Variants in PCSK5 observed in about 807,000 individuals in gnomAD.
PCSK5 encodes prohormone convertase 5.
Under a neutral mutation model 233.2 loss-of-function variants are expected in PCSK5, and 129 were observed. The observed-to-expected ratio is 0.55, with a 90% confidence interval of 0.48 to 0.64. The LOEUF is 0.64. Among genes scored for constraint, PCSK5 ranks in the 30% least tolerant of loss-of-function variants. PCSK5 has a pLI of 0.00. For synonymous variants in PCSK5, 825 were observed against 879.2 expected (o/e 0.94, Z 1.09); for missense variants, 2,076 against 2,430.1 (o/e 0.85, Z 3.06).
chr9:76,047,309 G>C (rs1829454128), intron 5 of PCSK5, among the ~76,000 whole-genome samples: 2 of 152,134 alleles, frequency 1.3e-5, no homozygotes, highest in South Asian at 4.1e-4. Context: ...TGTTAGCCGG[G>C]ATAGTCTCGA....
chr9:76,238,855 A>T, intron 22 of PCSK5, 104 bp from the exon 23 acceptor site: 1 of 809,934 alleles, frequency 1.2e-6, no homozygotes, highest in Non-Finnish European at 2.0e-6. Context: ...AGGAAAAAAA[A>T]GCACTCAGTC....
chr9:76,269,369 G>C (rs1248671952), intron 24 of PCSK5, among the ~76,000 whole-genome samples: 2 of 152,156 alleles, frequency 1.3e-5, no homozygotes, highest in African/African-American at 4.8e-5. Context: ...ACCCAGGAAA[G>C]ATGATCACGA....
At chr9:76,013,115 A>G (rs778331382) in intron 3 of PCSK5, among the ~76,000 whole-genome samples, 29 of 152,322 alleles carry the variant, frequency 1.9e-4, no homozygotes, top group South Asian at 1.0e-3. Flanking sequence ...CCTTTGAGGT[A>G]TCCATCTTAG....
chr9:76,111,300 G>GA (rs1253241643), intron 9 of PCSK5, among the ~76,000 whole-genome samples: 1 of 152,092 alleles, frequency 6.6e-6, no homozygotes, highest in South Asian at 2.1e-4. Flanking sequence ...CAGTTCCTCT[G>GA]AAAATCTTTC....
intron 10 of PCSK5, 88 bp from the exon 11 acceptor site, chr9:76,156,957 T>A: frequency 1.2e-6 from 1 of 815,446 alleles, no homozygotes; most frequent in South Asian, 1.4e-5. Flanking sequence ...TAGGATCCCA[T>A]AGGGTGGTGT....
intron 33 of PCSK5, among the ~76,000 whole-genome samples, chr9:76,331,143 C>T (rs576464244): frequency 4.6e-5 from 7 of 152,252 alleles, no homozygotes; most frequent in Non-Finnish European, 1.0e-4. Context: ...CACACCACCA[C>T]ACCACCAGGG....
chr9:76,080,683 G>A (rs1237984907), intron 7 of PCSK5, among the ~76,000 whole-genome samples: 1 of 152,142 alleles, frequency 6.6e-6, no homozygotes, highest in East Asian at 1.9e-4. Context: ...AGGTTAATTA[G>A]CCTCTCTGAG....
intron 6 of PCSK5, among the ~76,000 whole-genome samples, chr9:76,069,043 G>A (rs1830387954): frequency 6.6e-6 from 1 of 152,154 alleles, no homozygotes; most frequent in Admixed American, 6.5e-5. Context: ...AAACTACCTT[G>A]AATATTGGTC....
chr9:76,296,668 G>T lies in PCSK5; in HGVS notation c.3326G>T (p.Gly1109Val), dbSNP rs942602105. ...WCEEGFFLLG[G>V]SCVRKCGPGF... ...TTCTCTCTGTGTTCTCACATAGGTG[G>T]CAGTTGTGTGAGGAAATGTGGTCCT... is the stretch of plus-strand genomic sequence containing the variant. Residue 1109 changes from glycine to valine, a missense_variant, in exon 27 of 38, where the codon GGC becomes GTC. Gly to Val is a moderately radical substitution (Grantham distance 109). Around this residue, in one of 6 missense-constraint regions of PCSK5, gnomAD observed 1,510 missense variants for 1,538.1 expected, o/e 0.98. Coordinates refer to ENST00000674117, the MANE Select transcript of PCSK5 (RefSeq NM_001372043.1). 26 of 1,602,682 alleles carry T rather than the reference G, an allele frequency of 1.6e-5. No individual in the cohort carries two copies. Among genetic ancestry groups the T allele is most frequent in the Non-Finnish European group, 2.1e-5 (25 of 1,170,744 alleles).
intron 1 of PCSK5, among the ~76,000 whole-genome samples, chr9:75,929,996 G>A (rs190445616): frequency 1.3e-5 from 2 of 152,120 alleles, no homozygotes; most frequent in East Asian, 3.9e-4. Flanking sequence ...CTGAGTAGCT[G>A]GGATTACAGG....
chr9:75,904,368 A>G (rs760866182), intron 1 of PCSK5, among the ~76,000 whole-genome samples: 17 of 152,340 alleles, frequency 1.1e-4, no homozygotes, highest in Non-Finnish European at 2.5e-4. Flanking sequence ...ACAGAATGGG[A>G]GTAAATATTT....
chr9:76,029,554 GA>G (rs1447237950), intron 5 of PCSK5, among the ~76,000 whole-genome samples: 1 of 152,142 alleles, frequency 6.6e-6, no homozygotes, highest in Non-Finnish European at 1.5e-5. Context: ...GGTGCAGCAA[GA>G]ATAATTATTT....
intron 2 of PCSK5, among the ~76,000 whole-genome samples, chr9:75,978,904 C>G (rs1554668560): frequency 9.1e-6 from 1 of 109,412 alleles, no homozygotes; most frequent in Non-Finnish European, 1.8e-5. Flanking sequence ...TGGAATTTTG[C>G]TCTTGTTGCC....
At chr9:76,080,233 C>G (rs944892327) in intron 7 of PCSK5, among the ~76,000 whole-genome samples, 2 of 152,164 alleles carry the variant, frequency 1.3e-5, no homozygotes, top group Non-Finnish European at 2.9e-5. Flanking sequence ...CACAGTGACC[C>G]TGTATACAAA....
chr9:75,932,144 T>C (rs1301457383), intron 1 of PCSK5, among the ~76,000 whole-genome samples: 1 of 152,242 alleles, frequency 6.6e-6, no homozygotes, highest in Non-Finnish European at 1.5e-5. Context: ...TGCCCCATTA[T>C]AATCTTCAGT....
rs1056760607 is a variant in PCSK5, at chr9:76,154,726, A to C, written c.1313-2319A>C. ...ACATAACATCTTTGGTAAAAATTTC[A>C]ATTTCCCCAGGGTAGGGGAAAAATA... On this transcript the variant is annotated intron_variant, in intron 10 of 37. Transcript: ENST00000674117. Among the ~76,000 whole-genome samples, 3 of 152,152 alleles carry C rather than the reference A, an allele frequency of 2.0e-5. No individual in the cohort carries two copies. In the East Asian group the frequency reaches 5.8e-4, roughly 29 times the overall value.
chr9:76,299,853 C>T (rs1352498172), intron 27 of PCSK5, among the ~76,000 whole-genome samples: 1 of 152,204 alleles, frequency 6.6e-6, no homozygotes, highest in African/African-American at 2.4e-5. Flanking sequence ...GGAATGGAAG[C>T]ACTTTCCTCT....
intron 2 of PCSK5, among the ~76,000 whole-genome samples, chr9:75,966,095 C>T (rs1169172786): frequency 6.6e-6 from 1 of 152,188 alleles, no homozygotes; most frequent in Non-Finnish European, 1.5e-5. Context: ...GTGTTGACCT[C>T]TCTTGGCCCT....
chr9:75,953,585 G>A (rs76307796), intron 2 of PCSK5, among the ~76,000 whole-genome samples: 201 of 152,094 alleles, frequency 1.3e-3, no homozygotes, highest in Non-Finnish European at 2.6e-3. Context: ...CCTGCTTCTT[G>A]CATTTTCTGT....
Sources: gnomAD v4.1 joint callset for allele counts (sites outside exome capture counted in the v4.1 genomes callset) on GRCh38, gnomAD v4.1.1 for gene constraint, gnomAD v4.1.1 regional missense constraint, MANE v1.5 for transcripts, NCBI Gene and HGNC (gene_info 2026-07-23, HGNC 2026-07-21) for gene names.